PPP1R1C: variants seen among roughly 807,000 people sequenced by gnomAD.
PPP1R1C encodes the protein protein phosphatase 1 regulatory subunit 1C.
PPP1R1C carries 15 observed loss-of-function variants against 17.4 expected under a neutral mutation model. The ratio of observed to expected loss-of-function variants is 0.86; its 90% CI spans 0.58 to 1.33. PPP1R1C has a LOEUF of 1.33. PPP1R1C is among the 40% of genes most tolerant of loss of function. The pLI is 0.00. For missense variants in PPP1R1C, 143 were observed against 130.0 expected, an observed-to-expected ratio of 1.10 and a Z score of -0.48; for synonymous variants, 35 against 43.1, an observed-to-expected ratio of 0.81 and a Z score of 0.73.
chr2:182,042,832 AC>A (rs1687225387), intron 2 of PPP1R1C, among the ~76,000 whole-genome samples: 1 of 152,196 alleles, frequency 6.6e-6, no homozygotes, highest in Admixed American at 6.5e-5. Context: ...ATTAAAAGGT[AC>A]CAGGGAAGCT....
At chr2:182,047,110 G>T (rs1415575905) in intron 2 of PPP1R1C, among the ~76,000 whole-genome samples, 3 of 152,120 alleles carry the variant, frequency 2.0e-5, no homozygotes, top group East Asian at 3.9e-4. Flanking sequence ...CATTCAAATT[G>T]TTAACGTTTG....
chr2:182,018,181 A>G (rs999124391), intron 2 of PPP1R1C, among the ~76,000 whole-genome samples: 1 of 152,194 alleles, frequency 6.6e-6, no homozygotes, highest in South Asian at 2.1e-4. Context: ...CTAAACTAAG[A>G]CCAAATAAAA....
chr2:181,998,814 C>T (rs1685684162), intron 2 of PPP1R1C, among the ~76,000 whole-genome samples: 2 of 152,338 alleles, frequency 1.3e-5, no homozygotes, highest in South Asian at 2.1e-4. Flanking sequence ...AGAATATCCA[C>T]TCTTTCTTCG....
At chr2:182,002,895 G>A (rs1489957652) in intron 2 of PPP1R1C, among the ~76,000 whole-genome samples, 2 of 148,126 alleles carry the variant, frequency 1.4e-5, no homozygotes, top group Non-Finnish European at 3.0e-5. Context: ...TCCATAACTG[G>A]TAGAATCATA....
At position 182,035,176 on chromosome 2, in the gene PPP1R1C, T is replaced by C. The variant is rs1196175; in HGVS notation, c.143-26266T>C. Among the ~76,000 whole-genome samples, 658 of 152,280 alleles carry C rather than the reference T, an allele frequency of 4.3e-3. 5 individuals are homozygous for C. Among genetic ancestry groups the C allele is most frequent in the African/African-American group, 0.015 (624 of 41,564 alleles). ...CTCTTCATCGCCACATCACCTTGCTTCCTCCCATCCCCATCATTGAATAGA... is the reference window on the plus strand; with the variant it reads ...CTCTTCATCGCCACATCACCTTGCTCCCTCCCATCCCCATCATTGAATAGA... On this transcript the variant is annotated intron_variant, in intron 2 of 4. Transcript: ENST00000682840.
intron 2 of PPP1R1C, among the ~76,000 whole-genome samples, chr2:182,047,225 A>G (rs560272079): frequency 4.5e-4 from 69 of 152,338 alleles, no homozygotes; most frequent in African/African-American, 1.6e-3. Context: ...CTTTTGTGAT[A>G]TCTTATGTAG....
At chr2:182,123,940 G>A (rs982608765) in intron 5 of PPP1R1C, among the ~76,000 whole-genome samples, 6 of 152,098 alleles carry the variant, frequency 3.9e-5, no homozygotes, top group South Asian at 2.1e-4. Context: ...TCCCTATGTC[G>A]TGAATGGTAT....
chr2:181,984,882 C>T (rs1241941136), upstream of PPP1R1C, among the ~76,000 whole-genome samples: 1 of 152,254 alleles, frequency 6.6e-6, no homozygotes, highest in East Asian at 1.9e-4. Context: ...TAAAAGTATT[C>T]GAATGCATGA....
chr2:181,992,489 T>C lies in PPP1R1C; in HGVS notation c.142+4590T>C, dbSNP rs985289647. 1.3e-4 allele frequency among the ~76,000 whole-genome samples: 17 copies of C among 134,198 alleles called. 4 individuals are homozygous for C. Among genetic ancestry groups the C allele is most frequent in the Non-Finnish European group, 2.5e-4 (15 of 59,880 alleles). The allele number at this position is 134,198 out of a possible 152,430, so 88.0% of individuals were successfully genotyped here. A position where few individuals can be genotyped will look rare whatever the true frequency, so the allele number is the denominator to read the frequency against. ...CAGGTCTTCTGAATATTAAAGTTTG[T>C]GGCATCCATTGTTTTCCATTTACCG... On this transcript the variant is annotated intron_variant, in intron 2 of 4. Transcript: ENST00000682840.
At chr2:182,096,373 A>G (rs1515891) in intron 4 of PPP1R1C, among the ~76,000 whole-genome samples, 1 of 151,960 alleles carries the variant, frequency 6.6e-6, no homozygotes, top group African/African-American at 2.4e-5. Flanking sequence ...CAGGAGAAAG[A>G]CAGAGTGACC....
chr2:182,008,583 T>C (rs1686000270), intron 2 of PPP1R1C, among the ~76,000 whole-genome samples: 1 of 152,220 alleles, frequency 6.6e-6, no homozygotes, highest in Non-Finnish European at 1.5e-5. Context: ...GTACATGGGA[T>C]ATTTTGATAC....
At chr2:182,081,072 A>G (rs1244598598) in intron 4 of PPP1R1C, among the ~76,000 whole-genome samples, 1 of 152,184 alleles carries the variant, frequency 6.6e-6, no homozygotes, top group African/African-American at 2.4e-5. Context: ...TTGATGATTA[A>G]CTTCATTTAA....
chr2:182,036,409 G>C (rs935661258), intron 2 of PPP1R1C, among the ~76,000 whole-genome samples: 1 of 152,020 alleles, frequency 6.6e-6, no homozygotes, highest in Admixed American at 6.6e-5. Context: ...AATAGTTACT[G>C]GATTATTACT....
chr2:182,095,546 T>A (rs1273261815), intron 4 of PPP1R1C, among the ~76,000 whole-genome samples: 1 of 152,232 alleles, frequency 6.6e-6, no homozygotes, highest in Admixed American at 6.5e-5. Flanking sequence ...TGTCTTTTAG[T>A]GTGGCTCCTT....
At chr2:182,007,530 G>A (rs1419080892) in intron 2 of PPP1R1C, among the ~76,000 whole-genome samples, 4 of 152,064 alleles carry the variant, frequency 2.6e-5, no homozygotes, top group East Asian at 1.9e-4. Flanking sequence ...TGAGAATAAC[G>A]CCACATTAAG....
chr2:181,984,618 A>T (rs537146174), upstream of PPP1R1C, among the ~76,000 whole-genome samples: 23 of 152,238 alleles, frequency 1.5e-4, no homozygotes, highest in Non-Finnish European at 2.6e-4. Context: ...GAATATAGAA[A>T]ACTACTTCAA....
intron 5 of PPP1R1C, among the ~76,000 whole-genome samples, chr2:182,124,381 C>CT (rs1296251183): frequency 4.1e-5 from 4 of 98,026 alleles, no homozygotes; most frequent in Non-Finnish European, 6.1e-5. Flanking sequence ...TATACAGGCT[C>CT]TTTTTTTGGT....
rs1242762644 is a variant in PPP1R1C at position 181,976,215 on chromosome 2, G to A, written n.157+951G>A. ...CACAAAAGTATAAGTAAGCGTGTAT[G>A]TATATGTCAGTAGGTGTTTAATGCA... is the stretch of plus-strand genomic sequence containing the variant. On this transcript the variant is annotated intron_variant and non_coding_transcript_variant, in intron 2 of 5. Transcript: ENST00000464264. The surrounding 1 kb of genome is among the most constrained non-coding windows in gnomAD (Gnocchi z 4.8). Among the ~76,000 whole-genome samples the A allele has an allele frequency of 6.6e-6, 1 of 151,944 alleles. No individual in the cohort carries two copies. The highest frequency in any genetic ancestry group is 1.5e-5 in the Non-Finnish European group (1 of 67,958).
intron 1 of PPP1R1C, among the ~76,000 whole-genome samples, chr2:181,971,435 C>G (rs141410666): frequency 6.6e-6 from 1 of 152,122 alleles, no homozygotes; most frequent in South Asian, 2.1e-4. Flanking sequence ...GAGCTGGTAT[C>G]CAAGTTGCAA....
Sources: gnomAD v4.1 joint callset for allele counts (sites outside exome capture counted in the v4.1 genomes callset) on GRCh38, gnomAD v4.1.1 for gene constraint, Gnocchi (gnomAD v3.1) non-coding constraint, MANE v1.5 for transcripts, NCBI Gene and HGNC (gene_info 2026-07-23, HGNC 2026-07-21) for gene names.